The following NRXN3 variants were observed in gnomAD, a reference collection of about 807,000 sequenced individuals.
NRXN3 encodes neurexin III.
A neutral mutation model predicts 137.6 loss-of-function variants in NRXN3; 32 were observed. That is an observed-to-expected ratio of 0.23 (90% CI 0.18 to 0.31). The LOEUF is 0.31. Among genes scored for constraint, NRXN3 ranks in the 10% least tolerant of loss-of-function variants. NRXN3 has a pLI of 1.00. For synonymous variants in NRXN3, 798 were observed against 784.5 expected (o/e 1.02, Z -0.29); for missense variants, 1,574 against 2,062.5 (o/e 0.76, Z 4.59).
intron 19 of NRXN3, among the ~76,000 whole-genome samples, chr14:79,788,200 C>T (rs1009371816): frequency 6.6e-6 from 1 of 152,160 alleles, no homozygotes; most frequent in Non-Finnish European, 1.5e-5. Context: ...TTCACTACCA[C>T]AAGAACAGCA....
intron 2 of NRXN3, chr14:78,249,977 A>G: frequency 2.6e-6 from 1 of 387,212 alleles, no homozygotes; most frequent in East Asian, 7.8e-5. Flanking sequence ...TAACAATGAT[A>G]GCTAATAATC....
chr14:79,400,002 G>A (rs534591705), intron 15 of NRXN3, among the ~76,000 whole-genome samples: 1 of 152,178 alleles, frequency 6.6e-6, no homozygotes, highest in Admixed American at 6.5e-5. Context: ...GTGTGTGAGT[G>A]CATGTGTGCA....
At chr14:79,458,389 G>T (rs572246991) in intron 15 of NRXN3, among the ~76,000 whole-genome samples, 1 of 152,048 alleles carries the variant, frequency 6.6e-6, no homozygotes, top group African/African-American at 2.4e-5. Flanking sequence ...ATATTTCCAC[G>T]TTGAGATGAA....
At chr14:78,902,316 TTA>T (rs1201507351) in intron 10 of NRXN3, among the ~76,000 whole-genome samples, 1 of 152,114 alleles carries the variant, frequency 6.6e-6, no homozygotes, top group Non-Finnish European at 1.5e-5. Flanking sequence ...TATTTCTAAT[TTA>T]TGTTTTAACC....
chr14:79,697,771 A>G lies in NRXN3; in HGVS notation c.3848A>G (p.Asn1283Ser). The change falls in exon 19 of 21, where the codon AAT becomes AGT. Residue 1283 changes from asparagine to serine, a missense_variant. Physicochemically the swap from Asn to Ser is conservative, Grantham distance 46. Transcript: ENST00000335750. ...AACATGGCGGCTGAGAACAACCCCA[A>G]TATTAAAATCAATGGAAGTGTTCGG... is the stretch of plus-strand genomic sequence containing the variant. The part of the protein sequence containing the change: ...VLNMAAENNP[N>S]IKINGSVRLV... 6.2e-7 allele frequency: 1 copy of G among 1,613,152 alleles called. No individual in the cohort carries two copies. Among genetic ancestry groups the G allele is most frequent in the Non-Finnish European group, 8.5e-7 (1 of 1,179,446 alleles).
chr14:79,504,655 G>GTATATA (rs994714026), intron 16 of NRXN3, among the ~76,000 whole-genome samples: 1,645 of 104,206 alleles, frequency 0.016, 59 homozygotes, highest in South Asian at 0.1. Flanking sequence ...ATATATATAT[G>GTATATA]TATATATATA....
intron 20 of NRXN3, among the ~76,000 whole-genome samples, chr14:79,807,204 G>A (rs903238991): frequency 2.0e-5 from 3 of 151,240 alleles, no homozygotes; most frequent in African/African-American, 7.3e-5. Context: ...CGAGTTCCAG[G>A]CCTCAAGAAA....
intron 19 of NRXN3, among the ~76,000 whole-genome samples, chr14:79,771,992 A>G (rs1603480329): frequency 7.4e-6 from 1 of 135,404 alleles, no homozygotes; most frequent in Non-Finnish European, 1.6e-5. Context: ...ACAGACAAAC[A>G]GAGAGCCAAA....
At chr14:79,278,249 AGGAG>A (rs1466629397) in intron 15 of NRXN3, among the ~76,000 whole-genome samples, 4 of 152,118 alleles carry the variant, frequency 2.6e-5, no homozygotes, top group Admixed American at 2.0e-4. Context: ...GGTGAATGGT[AGGAG>A]GGAGTCAAAG....
chr14:78,901,660 G>A (rs560403558), intron 10 of NRXN3, among the ~76,000 whole-genome samples: 1 of 152,078 alleles, frequency 6.6e-6, no homozygotes, highest in African/African-American at 2.4e-5. Context: ...AATTAATTGT[G>A]TTAATGACAG....
At chr14:79,759,054 G>A (rs561431142) in intron 19 of NRXN3, among the ~76,000 whole-genome samples, 1 of 152,224 alleles carries the variant, frequency 6.6e-6, no homozygotes, top group South Asian at 2.1e-4. Flanking sequence ...GCAGGGGGTG[G>A]GAGACAAAGT....
chr14:78,334,774 A>C (rs1403958770), intron 4 of NRXN3, among the ~76,000 whole-genome samples: 2 of 152,112 alleles, frequency 1.3e-5, no homozygotes, highest in Admixed American at 1.3e-4. Flanking sequence ...GTAATTAGGG[A>C]GTCCTATTTC....
At chr14:79,854,453 TATTTC>T (rs1473795787) in intron 20 of NRXN3, among the ~76,000 whole-genome samples, 1 of 152,198 alleles carries the variant, frequency 6.6e-6, no homozygotes, top group African/African-American at 2.4e-5. Flanking sequence ...CTATATTTTT[TATTTC>T]ATTTGTGTCG....
At chr14:79,587,614 G>A (rs1338215862) in intron 16 of NRXN3, among the ~76,000 whole-genome samples, 1 of 152,244 alleles carries the variant, frequency 6.6e-6, no homozygotes, top group African/African-American at 2.4e-5. Flanking sequence ...GAAAGAGGGA[G>A]GAGAGAGAAA....
intron 4 of NRXN3, among the ~76,000 whole-genome samples, chr14:78,550,776 G>C (rs1205799439): frequency 6.6e-6 from 1 of 152,154 alleles, no homozygotes; most frequent in Non-Finnish European, 1.5e-5. Context: ...CCAACAATAA[G>C]AACTTGAGTA....
chr14:78,515,359 C>T (rs933576142), intron 4 of NRXN3, among the ~76,000 whole-genome samples: 2 of 152,028 alleles, frequency 1.3e-5, no homozygotes, highest in African/African-American at 4.8e-5. Context: ...ATTGTGCCAA[C>T]TATGGTGGGA....
rs2099484299 is a variant in NRXN3 at position 78,979,731 on chromosome 14, G to GCT, written c.3143-8291_3143-8290insCT. ...ATGTACTCATAGTTCCATGTGGCTG[G>GCT]GCAGGCCTCACAATCATGGCAGAAG... On this transcript the variant is annotated intron_variant, in intron 14 of 20. Transcript: ENST00000335750. Among the ~76,000 whole-genome samples, 3 of 152,210 alleles carry GCT rather than the reference G, an allele frequency of 2.0e-5. No homozygotes were observed. The East Asian group carries it at 5.8e-4, about 29-fold the overall frequency.
chr14:79,593,163 A>G (rs1157218197), intron 16 of NRXN3, among the ~76,000 whole-genome samples: 4 of 152,160 alleles, frequency 2.6e-5, no homozygotes, highest in African/African-American at 9.7e-5. Flanking sequence ...ACTGTGAGAA[A>G]ACTCTCTCCC....
chr14:78,523,694 A>G (rs1599852699), intron 4 of NRXN3, among the ~76,000 whole-genome samples: 1 of 150,274 alleles, frequency 6.7e-6, no homozygotes, highest in East Asian at 2.0e-4. Flanking sequence ...GCAGGTGCCT[A>G]TAGTCCCAGC....
Sources: allele counts gnomAD v4.1 joint callset (sites outside exome capture counted in the v4.1 genomes callset), GRCh38; gene constraint gnomAD v4.1.1; transcripts MANE v1.5; gene names NCBI Gene and HGNC (gene_info 2026-07-23, HGNC 2026-07-21).